Variants in CLASP1 observed in about 807,000 individuals in gnomAD.
CLASP1 encodes the protein CLIP-associating protein 1.
A neutral mutation model predicts 192.3 loss-of-function variants in CLASP1; 38 were observed. That is an observed-to-expected ratio of 0.20 (90% CI 0.15 to 0.26). The LOEUF (loss-of-function observed/expected upper bound fraction) is 0.26, where lower values mean the gene tolerates loss of function less well. Ranked by LOEUF, CLASP1 falls within the 10% of genes least tolerant of loss-of-function variation. The pLI, the probability that CLASP1 is intolerant of heterozygous loss-of-function variation, is 1.00. For synonymous variants in CLASP1, 691 were observed against 712.8 expected, an observed-to-expected ratio of 0.97 and a Z score of 0.49; for missense variants, 1,433 against 1,932.5, an observed-to-expected ratio of 0.74 and a Z score of 4.85.
intron 14 of CLASP1, among the ~76,000 whole-genome samples, chr2:121,454,464 T>C (rs1030998038): frequency 6.6e-6 from 1 of 152,146 alleles, no homozygotes; most frequent in Non-Finnish European, 1.5e-5. Context: ...GGGTATCCAA[T>C]CTTTTGGCTC....
intron 6 of CLASP1, among the ~76,000 whole-genome samples, chr2:121,517,034 A>C (rs2150357678): frequency 6.6e-6 from 1 of 152,358 alleles, no homozygotes; most frequent in South Asian, 2.1e-4. Flanking sequence ...AGAAAGAAAA[A>C]AAAAATCATT....
At chr2:121,616,107 G>A (rs2066413912) in intron 1 of CLASP1, among the ~76,000 whole-genome samples, 4 of 152,152 alleles carry the variant, frequency 2.6e-5, no homozygotes. Flanking sequence ...AGAGTATCAA[G>A]AAGGAATTAA....
At chr2:121,344,180 ACAGAGAC>A (rs908742845) in intron 39 of CLASP1, among the ~76,000 whole-genome samples, 1 of 152,184 alleles carries the variant, frequency 6.6e-6, no homozygotes, top group African/African-American at 2.4e-5. Flanking sequence ...TAAGTGGGGA[ACAGAGAC>A]CAGAAGGCAA....
intron 7 of CLASP1, among the ~76,000 whole-genome samples, chr2:121,508,356 C>G (rs1445859069): frequency 3.9e-5 from 6 of 152,058 alleles, no homozygotes; most frequent in Admixed American, 1.3e-4. Flanking sequence ...GCGAATAATT[C>G]CCCCCAAAAA....
intron 6 of CLASP1, among the ~76,000 whole-genome samples, chr2:121,517,094 A>G (rs987901879): frequency 4.6e-5 from 7 of 152,268 alleles, no homozygotes; most frequent in Non-Finnish European, 1.0e-4. Context: ...ATGTGTCTGT[A>G]TATGTATGTA....
At chr2:121,482,248 T>G (rs945001069) in intron 8 of CLASP1, among the ~76,000 whole-genome samples, 5 of 152,062 alleles carry the variant, frequency 3.3e-5, no homozygotes, top group Non-Finnish European at 5.9e-5. Context: ...ATGAACAAAC[T>G]AGCCAGCTTC....
chr2:121,518,204 C>A (rs1259631891), intron 6 of CLASP1, among the ~76,000 whole-genome samples: 2 of 136,256 alleles, frequency 1.5e-5, no homozygotes, highest in Non-Finnish European at 3.0e-5. Flanking sequence ...GCATTCCAGC[C>A]TGGGTGACAG....
At chr2:121,444,465 G>A (rs182304401) in intron 19 of CLASP1, among the ~76,000 whole-genome samples, 45 of 152,226 alleles carry the variant, frequency 3.0e-4, no homozygotes, top group Non-Finnish European at 4.4e-5. Flanking sequence ...TTACCTGTTA[G>A]GAAATGTTTA....
chr2:121,589,642 A>C (rs1334972354), intron 2 of CLASP1, among the ~76,000 whole-genome samples: 2 of 152,062 alleles, frequency 1.3e-5, no homozygotes, highest in South Asian at 2.1e-4. Flanking sequence ...AAAAAAAAAA[A>C]AAAAAACACA....
rs142825239 is a variant in CLASP1 at position 121,487,738 on chromosome 2, G to A, written c.712+15429C>T. Among the ~76,000 whole-genome samples, 323 of 152,280 alleles carry A rather than the reference G, an allele frequency of 2.1e-3. 2 individuals carry two copies. The highest frequency in any genetic ancestry group is 7.4e-3 in the African/African-American group (306 of 41,556). On this transcript the variant is annotated intron_variant, in intron 8 of 39. Transcript: ENST00000263710. ...ATCAAGAACACCCACCACACTGACC[G>A]ACTAGGAAGTTATGCTCCCCTCCTT... is the stretch of plus-strand genomic sequence containing the variant.
At chr2:121,364,793 A>G (rs2067071299) in intron 36 of CLASP1, 2 of 374,002 alleles carry the variant, frequency 5.3e-6, no homozygotes, top group Admixed American at 3.9e-5. Context: ...ACCACATTCT[A>G]TGCTAATAAA....
intron 26 of CLASP1, among the ~76,000 whole-genome samples, chr2:121,403,272 C>T (rs1266487104): frequency 6.6e-6 from 1 of 152,172 alleles, no homozygotes; most frequent in African/African-American, 2.4e-5. Flanking sequence ...ATCCCCTTTA[C>T]TCTCATGAGC....
intron 36 of CLASP1, 114 bp from the exon 38 acceptor site, chr2:121,363,414 G>T: frequency 8.1e-7 from 1 of 1,232,446 alleles, no homozygotes; most frequent in Non-Finnish European, 1.1e-6. Context: ...CTGGAACCTC[G>T]CAGAACCCTC....
chr2:121,621,998 C>A (rs2106117858), intron 1 of CLASP1, among the ~76,000 whole-genome samples: 1 of 152,126 alleles, frequency 6.6e-6, no homozygotes, highest in South Asian at 2.1e-4. Context: ...CAGGCGTGCA[C>A]CACCACGCTC....
intron 2 of CLASP1, among the ~76,000 whole-genome samples, chr2:121,558,227 TATA>T (rs2058751156): frequency 6.6e-6 from 1 of 152,120 alleles, no homozygotes; most frequent in East Asian, 1.9e-4. Context: ...AACAAGGAGC[TATA>T]ATGTTCTTCC....
chr2:121,582,595 G>A (rs990828542), intron 2 of CLASP1, among the ~76,000 whole-genome samples: 1 of 150,508 alleles, frequency 6.6e-6, no homozygotes, highest in Non-Finnish European at 1.5e-5. Context: ...CAGAAAGCAG[G>A]GAGGGAGGGA....
At chr2:121,397,010 A>T in intron 30 of CLASP1, 130 bp downstream of exon 31, 1 of 814,180 alleles carries the variant, frequency 1.2e-6, no homozygotes. Flanking sequence ...GGAGAGAGAA[A>T]AGGGCAACAG....
chr2:121,586,103 T>C (rs1441713706), intron 2 of CLASP1, among the ~76,000 whole-genome samples: 3 of 152,106 alleles, frequency 2.0e-5, no homozygotes, highest in Non-Finnish European at 4.4e-5. Context: ...AGCTGACATG[T>C]ACTTTGACGT....
intron 2 of CLASP1, among the ~76,000 whole-genome samples, chr2:121,599,771 T>A (rs1318380720): frequency 1.3e-5 from 2 of 149,344 alleles, no homozygotes; most frequent in African/African-American, 4.9e-5. Context: ...CAGAAAAAAA[T>A]CAGCCAGGCA....
Sources: gnomAD v4.1 joint callset for allele counts (sites outside exome capture counted in the v4.1 genomes callset) on GRCh38, gnomAD v4.1.1 for gene constraint, MANE v1.5 for transcripts, NCBI Gene and HGNC (gene_info 2026-07-23, HGNC 2026-07-21) for gene names.